Variants in SGTA observed in about 807,000 individuals in gnomAD.
The protein encoded by SGTA is small glutamine rich tetratricopeptide repeat co-chaperone alpha, also known as small glutamine-rich tetratricopeptide repeat-containing protein alpha.
SGTA carries 22 observed loss-of-function variants against 44.3 expected under a neutral mutation model. The observed-to-expected ratio is 0.50, with a 90% confidence interval of 0.36 to 0.71. SGTA has a LOEUF of 0.71. Ranked by LOEUF, SGTA falls within the 30% of genes least tolerant of loss-of-function variation. The pLI, the probability that SGTA is intolerant of heterozygous loss-of-function variation, is 0.00. For synonymous variants in SGTA, 174 were observed against 177.6 expected (o/e 0.98, Z 0.16); for missense variants, 341 against 435.9 (o/e 0.78, Z 1.94).
In SGTA at chr19:2,777,340, A is replaced by G. The variant is rs148605655; in HGVS notation, c.-24+5893T>C. 4.2e-4 allele frequency among the ~76,000 whole-genome samples: 63 copies of G among 151,702 alleles called. 1 individual carries two copies. The highest frequency in any genetic ancestry group is 1.5e-3 in the African/African-American group (62 of 41,118). On this transcript the variant is annotated intron_variant, in intron 1 of 11. Transcript: ENST00000221566. ...GCCAAAGCGGGGGGATCACTTGAGC[A>G]TAGGAATTCAAGAGCAGCCTGGGCA...
At chr19:2,762,104 C>T (rs1257206775) in intron 7 of SGTA, among the ~76,000 whole-genome samples, 1 of 152,158 alleles carries the variant, frequency 6.6e-6, no homozygotes, top group Non-Finnish European at 1.5e-5. Context: ...TCCCCCATCA[C>T]CCCAGGGCCA....
intron 11 of SGTA, among the ~76,000 whole-genome samples, chr19:2,756,702 T>C (rs4807322): frequency 0.38 from 57,086 of 151,190 alleles, 13,430 homozygotes; most frequent in East Asian, 0.65. Context: ...CTCCCACCCC[T>C]GGGAAGCCGG....
intron 1 of SGTA, chr19:2,770,420 C>CA (rs959788258): frequency 2.6e-5 from 4 of 152,256 alleles, no homozygotes; most frequent in Admixed American, 1.3e-4. Context: ...CAGGAAGCCC[C>CA]GACGTGAGCT....
At chr19:2,781,361 T>C (rs1299156191) in intron 1 of SGTA, among the ~76,000 whole-genome samples, 1 of 152,172 alleles carries the variant, frequency 6.6e-6, no homozygotes, top group East Asian at 1.9e-4. Context: ...AGCAAAGGTT[T>C]TTCTGAAAAG....
intron 1 of SGTA, among the ~76,000 whole-genome samples, chr19:2,769,544 A>G (rs116039420): frequency 6.6e-6 from 1 of 152,322 alleles, no homozygotes; most frequent in African/African-American, 2.4e-5. Flanking sequence ...CCTTGTCCTC[A>G]GCCAGAGCCA....
At chr19:2,779,147 T>C (rs568320107) in intron 1 of SGTA, among the ~76,000 whole-genome samples, 1 of 152,250 alleles carries the variant, frequency 6.6e-6, no homozygotes, top group East Asian at 1.9e-4. Flanking sequence ...GGCCACTAAG[T>C]GGGAAGAAAG....
At position 2,757,453 on chromosome 19, in the gene SGTA, G is replaced by T; in HGVS notation, c.832C>A (p.Gln278Lys). Reference protein sequence around the residue: ...NDLASLIQAGQQFAQQMQQQN... With the variant: ...NDLASLIQAGKQFAQQMQQQN... ...TGCTGCATCTGCTGGGCAAACTGCTGGCCCCTGCGGGGAAGGGCACATGGG... is the reference window on the plus strand; with the variant it reads ...TGCTGCATCTGCTGGGCAAACTGCTTGCCCCTGCGGGGAAGGGCACATGGG... Residue 278 changes from glutamine (Q) to lysine (K), a missense_variant, in exon 11 of 12, where the codon CAG becomes AAG. Coordinates refer to ENST00000221566, the MANE Select transcript of SGTA (RefSeq NM_003021.4). 6.2e-7 allele frequency: 1 copy of T among 1,607,602 alleles called. No individual in the cohort carries two copies.
rs943107026 is a variant in SGTA at position 2,761,732 on chromosome 19, C to T, written c.637-210G>A. On this transcript the variant is annotated intron_variant, in intron 7 of 11. Coordinates refer to ENST00000221566, the MANE Select transcript of SGTA (RefSeq NM_003021.4). This position sits in a 1 kb window ranked among gnomAD's most constrained non-coding sequence, Gnocchi z 5.7. ...CATCCCGTGTTTATTCCCCGCACAG[C>T]GCGACCGCCCGGGGACGGCACAGTC... is the stretch of plus-strand genomic sequence containing the variant. Among the ~76,000 whole-genome samples, 2 of 147,208 alleles carry T rather than the reference C, an allele frequency of 1.4e-5. No individual in the cohort carries two copies. Among genetic ancestry groups the T allele is most frequent in the Admixed American group, 6.7e-5 (1 of 14,848 alleles).
rs527587116 is a variant in SGTA, at chr19:2,763,413, T to C, written c.497+240A>G. On this transcript the variant is annotated intron_variant, in intron 6 of 11. Coordinates refer to ENST00000221566, the MANE Select transcript of SGTA (RefSeq NM_003021.4). The surrounding 1 kb of genome is among the most constrained non-coding windows in gnomAD (Gnocchi z 5.8). ...CATGGGAACCCCAGGTGACAGCCAG[T>C]CAGGGAGAAGCAAGGGGCCCAGGGA... Among the ~76,000 whole-genome samples, 103 of 152,004 alleles carry C rather than the reference T, an allele frequency of 6.8e-4. 1 individual carries two copies. In the South Asian group the frequency reaches 0.012, roughly 17 times the overall value.
rs546723026 is a variant in SGTA at position 2,761,519 on chromosome 19, C to T, written c.640G>A (p.Gly214Arg). ...GCGATGTCGAAGCTGCCCACGCCTC[C>T]CGTCTGAGGATGAGAACAGCCCTGG... ...LKLREAPSPT[G>R]GVGSFDIAGL... The change falls in exon 8 of 12, where the codon GGA becomes AGA. Residue 214 changes from glycine to arginine, a missense_variant. Physicochemically the swap from Gly to Arg is moderately radical, Grantham distance 125. Coordinates refer to ENST00000221566, the MANE Select transcript of SGTA (RefSeq NM_003021.4). This position sits in a 1 kb window ranked among gnomAD's most constrained non-coding sequence, Gnocchi z 5.7. 6.4e-7 allele frequency: 1 copy of T among 1,551,444 alleles called. No individual in the cohort carries two copies. The highest frequency in any genetic ancestry group is 1.2e-5 in the South Asian group (1 of 84,064).
intron 4 of SGTA, among the ~76,000 whole-genome samples, chr19:2,766,624 G>A (rs903697356): frequency 2.6e-5 from 4 of 151,870 alleles, no homozygotes; most frequent in African/African-American, 4.8e-5. Context: ...TAGTAGAGAC[G>A]GGGTTTCACC....
At chr19:2,772,071 C>T (rs761727084) in intron 1 of SGTA, among the ~76,000 whole-genome samples, 3 of 152,252 alleles carry the variant, frequency 2.0e-5, no homozygotes, top group Non-Finnish European at 4.4e-5. Flanking sequence ...GGGCCCAGCC[C>T]GTGCATAGTG....
Position 2,763,059 on chromosome 19 carries a change from C to T in SGTA, c.498-415G>A, listed in dbSNP as rs932112119. On this transcript the variant is annotated intron_variant, in intron 6 of 11. Transcript: ENST00000221566. This position sits in a 1 kb window ranked among gnomAD's most constrained non-coding sequence, Gnocchi z 5.8. ...ATCCACAAGCAGCCCCTGACCCCCA[C>T]CTGAGTGAGTCTTCACTCGTGAGGT... Among the ~76,000 whole-genome samples the T allele has an allele frequency of 1.6e-5, 2 of 128,312 alleles. No individual in the cohort carries two copies. The highest frequency in any genetic ancestry group is 1.5e-4 in the Admixed American group (2 of 13,720). 84.2% of individuals were successfully genotyped at this position (128,312 alleles called of 152,430 possible). A position where few individuals can be genotyped will look rare whatever the true frequency, so the allele number is the denominator to read the frequency against.
chr19:2,757,588 C>G (rs1914859812), intron 10 of SGTA, 105 bp downstream of exon 10: 1 of 1,457,608 alleles, frequency 6.9e-7, no homozygotes, highest in East Asian at 2.5e-5. Context: ...ACGCTGGGCC[C>G]TTCGGAGCAG....
At chr19:2,756,896 C>T (rs58204187) in intron 11 of SGTA, among the ~76,000 whole-genome samples, 3,080 of 152,306 alleles carry the variant, frequency 0.02, 111 homozygotes, top group African/African-American at 0.071. Flanking sequence ...AACGCTCGGG[C>T]GCAGTCAAAG....
chr19:2,762,932 C>T (rs1314952061), intron 6 of SGTA, among the ~76,000 whole-genome samples: 1 of 152,226 alleles, frequency 6.6e-6, no homozygotes, highest in Non-Finnish European at 1.5e-5. Context: ...AGCGGGCCAG[C>T]TCAGGGTCAC....
intron 8 of SGTA, 26 bp from the exon 9 acceptor site, chr19:2,759,320 G>A: frequency 3.7e-6 from 6 of 1,609,254 alleles, no homozygotes; most frequent in Non-Finnish European, 5.1e-6. Flanking sequence ...AATTTGTCAG[G>A]AAGACAAAGC....
intron 1 of SGTA, among the ~76,000 whole-genome samples, chr19:2,780,180 A>C (rs1915539285): frequency 6.6e-6 from 1 of 152,138 alleles, no homozygotes; most frequent in South Asian, 2.1e-4. Flanking sequence ...CATCCTCGTA[A>C]ACTGAGGTCG....
In SGTA at chr19:2,763,621, C is replaced by T. The variant is rs1915063851; in HGVS notation, c.497+32G>A. ...GCAGGAGAGGAGGGGTCCCGAGAGA[C>T]TGGAAAGGCGCGGCCGTGGACAGGC... On this transcript the variant is annotated intron_variant, in intron 6 of 11. Coordinates refer to ENST00000221566, the MANE Select transcript of SGTA (RefSeq NM_003021.4). The surrounding 1 kb of genome is among the most constrained non-coding windows in gnomAD (Gnocchi z 5.8). 1 of 1,513,020 alleles carries T rather than the reference C, an allele frequency of 6.6e-7. No individual in the cohort carries two copies. The highest frequency in any genetic ancestry group is 1.4e-5 in the African/African-American group (1 of 72,816). The allele number at this position is 1,513,020 out of a possible 1,614,324, so 93.7% of individuals were successfully genotyped here.
Sources: gnomAD v4.1 joint callset for allele counts (sites outside exome capture counted in the v4.1 genomes callset) on GRCh38, gnomAD v4.1.1 for gene constraint, Gnocchi (gnomAD v3.1) non-coding constraint, MANE v1.5 for transcripts, NCBI Gene and HGNC (gene_info 2026-07-23, HGNC 2026-07-21) for gene names.